The following GAS7 variants were observed in gnomAD, a reference collection of about 807,000 sequenced individuals.
GAS7 encodes the protein growth arrest-specific protein 7.
Under a neutral mutation model 71.1 loss-of-function variants are expected in GAS7, and 28 were observed. The ratio of observed to expected loss-of-function variants is 0.39; its 90% CI spans 0.29 to 0.54. GAS7 has a LOEUF of 0.54. GAS7 is among the 20% of genes least tolerant of loss of function. The pLI, the probability that GAS7 is intolerant of heterozygous loss-of-function variation, is 0.62. For missense variants in GAS7, 436 were observed against 627.8 expected (o/e 0.69, Z 3.27); for synonymous variants, 258 against 245.8 (o/e 1.05, Z -0.46).
At chr17:10,073,634 G>T (rs774561455) in intron 1 of GAS7, among the ~76,000 whole-genome samples, 2 of 152,142 alleles carry the variant, frequency 1.3e-5, no homozygotes, top group Non-Finnish European at 2.9e-5. Context: ...TGAATCGTGC[G>T]CACATTAACG....
At chr17:9,930,154 T>G (rs1302410866) in intron 9 of GAS7, among the ~76,000 whole-genome samples, 1 of 152,160 alleles carries the variant, frequency 6.6e-6, no homozygotes, top group African/African-American at 2.4e-5. Flanking sequence ...AATACCAGAG[T>G]ACATTTTAAG....
chr17:9,962,532 A>G (rs1477188111), intron 4 of GAS7, among the ~76,000 whole-genome samples: 1 of 152,266 alleles, frequency 6.6e-6, no homozygotes, highest in African/African-American at 2.4e-5. Context: ...GAGCACAAAT[A>G]TGAATGAATG....
At chr17:10,170,816 C>A (rs923338091) in intron 1 of GAS7, among the ~76,000 whole-genome samples, 2 of 152,204 alleles carry the variant, frequency 1.3e-5, no homozygotes, top group African/African-American at 4.8e-5. Flanking sequence ...AAGAAAGTGG[C>A]CTTTTAAACT....
intron 1 of GAS7, among the ~76,000 whole-genome samples, chr17:10,068,529 G>A (rs535791994): frequency 2.0e-5 from 3 of 151,950 alleles, no homozygotes; most frequent in South Asian, 2.1e-4. Context: ...GCTGAGGCAG[G>A]AGGATCACTT....
chr17:10,021,746 G>A (rs1462266336), intron 1 of GAS7, among the ~76,000 whole-genome samples: 1 of 152,178 alleles, frequency 6.6e-6, no homozygotes, highest in Non-Finnish European at 1.5e-5. Context: ...AGGTTTACCT[G>A]GGCCCTCTCA....
Position 9,959,395 on chromosome 17 carries a change from C to A in GAS7, c.472-140G>T. 1 of 1,497,288 alleles carries A rather than the reference C, an allele frequency of 6.7e-7. No individual in the cohort carries two copies. Among genetic ancestry groups the A allele is most frequent in the Non-Finnish European group, 8.9e-7 (1 of 1,120,232 alleles). The allele number at this position is 1,497,288 out of a possible 1,614,324, so 92.8% of individuals were successfully genotyped here. On this transcript the variant is annotated intron_variant, in intron 4 of 13. Transcript: ENST00000432992. The surrounding 1 kb of genome is among the most constrained non-coding windows in gnomAD (Gnocchi z 5.0). ...AATCCTAAGTCACCATATTCTGGGCCAGGGCAAGCAGGGGTCTCCCTGACC... is the reference window on the plus strand; with the variant it reads ...AATCCTAAGTCACCATATTCTGGGCAAGGGCAAGCAGGGGTCTCCCTGACC...
At chr17:10,129,946 G>A (rs769057401) in intron 1 of GAS7, among the ~76,000 whole-genome samples, 1 of 152,194 alleles carries the variant, frequency 6.6e-6, no homozygotes, top group Non-Finnish European at 1.5e-5. Context: ...GGCCAAGGCA[G>A]GTGGATCGCG....
chr17:9,976,111 GC>G (rs2070193256), intron 3 of GAS7, among the ~76,000 whole-genome samples: 1 of 152,190 alleles, frequency 6.6e-6, no homozygotes, highest in African/African-American at 2.4e-5. Flanking sequence ...TTTCTCTCTG[GC>G]CACCTGGTCC....
intron 1 of GAS7, among the ~76,000 whole-genome samples, chr17:10,179,803 A>C (rs556693774): frequency 5.9e-5 from 9 of 152,286 alleles, no homozygotes; most frequent in Admixed American, 1.3e-4. Flanking sequence ...GTCCCCACCC[A>C]AAATGGTGAC....
Position 10,172,121 on chromosome 17 carries a change from G to C in GAS7, c.183+26087C>G, listed in dbSNP as rs1367553129. On this transcript the variant is annotated intron_variant, in intron 1 of 13. Coordinates refer to ENST00000432992, the MANE Select transcript of GAS7 (RefSeq NM_201433.2). ...AGTGTCCCTCGGGTCTGCTTGTTTG[G>C]ATTCTAATATCTGCCTAACTACCCA... Among the ~76,000 whole-genome samples the C allele has an allele frequency of 6.6e-5, 10 of 152,148 alleles. No homozygotes were observed. The South Asian group carries it at 1.2e-3, about 19-fold the overall frequency.
chr17:10,145,598 G>A (rs756268359), intron 1 of GAS7, among the ~76,000 whole-genome samples: 28 of 152,212 alleles, frequency 1.8e-4, no homozygotes, highest in Admixed American at 1.4e-3. Flanking sequence ...AGCAGCAGCC[G>A]GATCTGTGCC....
intron 1 of GAS7, among the ~76,000 whole-genome samples, chr17:10,154,268 G>A (rs2074188164): frequency 1.3e-5 from 2 of 152,016 alleles, no homozygotes; most frequent in South Asian, 4.2e-4. Flanking sequence ...GGAGGCCGAG[G>A]CAGGAGGATC....
At chr17:10,070,858 G>T (rs1016207316) in intron 1 of GAS7, among the ~76,000 whole-genome samples, 1 of 151,928 alleles carries the variant, frequency 6.6e-6, no homozygotes, top group Non-Finnish European at 1.5e-5. Flanking sequence ...GGTGGCGAAG[G>T]AAGAGCATAC....
At chr17:10,093,552 CAAAA>C (rs60319441) in intron 1 of GAS7, among the ~76,000 whole-genome samples, 2 of 66,054 alleles carry the variant, frequency 3.0e-5, no homozygotes, top group Non-Finnish European at 5.3e-5. Flanking sequence ...GACTCCGTCT[CAAAA>C]AAAAAAAAAA....
At chr17:10,101,037 G>C (rs1006564232) in intron 1 of GAS7, among the ~76,000 whole-genome samples, 6 of 152,164 alleles carry the variant, frequency 3.9e-5, no homozygotes, top group African/African-American at 1.4e-4. Flanking sequence ...GGAAGGCTGA[G>C]GCAGGAGGAT....
intron 1 of GAS7, among the ~76,000 whole-genome samples, chr17:10,106,046 C>T (rs1288475660): frequency 6.6e-6 from 1 of 152,184 alleles, no homozygotes; most frequent in Non-Finnish European, 1.5e-5. Context: ...TAAACAGAAT[C>T]CTACCTCTGC....
intron 1 of GAS7, among the ~76,000 whole-genome samples, chr17:10,129,817 A>ATTTT (rs979119243): frequency 6.6e-6 from 1 of 152,258 alleles, no homozygotes; most frequent in Non-Finnish European, 1.5e-5. Flanking sequence ...AATAATTAAA[A>ATTTT]GACATTGATA....
In GAS7 at chr17:10,158,743, C is replaced by G. The variant is rs1406980213; in HGVS notation, c.183+39465G>C. ...TCTTCAAATTTTTCATAATAAAATT[C>G]TGAAAAATTGCTAATTAAAAAGGTA... On this transcript the variant is annotated intron_variant, in intron 1 of 13. Transcript: ENST00000432992. Among the ~76,000 whole-genome samples the G allele has an allele frequency of 2.0e-5, 3 of 151,752 alleles. No individual in the cohort carries two copies. The East Asian group carries it at 5.9e-4, about 30-fold the overall frequency.
chr17:10,085,528 CA>C (rs565519157), intron 1 of GAS7, among the ~76,000 whole-genome samples: 1 of 150,586 alleles, frequency 6.6e-6, no homozygotes, highest in Admixed American at 6.6e-5. Flanking sequence ...CTAAAAATAC[CA>C]AAAAAAATAA....
Sources: gnomAD v4.1 joint callset for allele counts (sites outside exome capture counted in the v4.1 genomes callset) on GRCh38, gnomAD v4.1.1 for gene constraint, Gnocchi (gnomAD v3.1) non-coding constraint, MANE v1.5 for transcripts, NCBI Gene and HGNC (gene_info 2026-07-23, HGNC 2026-07-21) for gene names.